CHL1: variants seen among roughly 807,000 people sequenced by gnomAD.
CHL1 encodes neural cell adhesion molecule L1-like protein.
In CHL1, 96 loss-of-function variants were observed where a neutral mutation model predicts 141.9. The ratio of observed to expected loss-of-function variants is 0.68; its 90% CI spans 0.57 to 0.80. The LOEUF (loss-of-function observed/expected upper bound fraction) is 0.80, where lower values mean the gene tolerates loss of function less well. CHL1 is among the 30% of genes least tolerant of loss of function. CHL1 has a pLI of 0.00. For missense variants in CHL1, 1,820 were observed against 1,457.2 expected (o/e 1.25, Z -4.05); for synonymous variants, 613 against 502.2 (o/e 1.22, Z -2.95).
At position 319,694 on chromosome 3, in the gene CHL1, A is replaced by G; in HGVS notation, c.-83A>G. The stretch of plus-strand genomic sequence containing the variant: ...GTTTGTGTTTTTAGTTTCCAGGTTA[A>G]CTAAGGTCTCAGCTGTAAACCAAAA... On this transcript the variant is annotated 5_prime_UTR_variant, in exon 3 of 28. Transcript: ENST00000256509. 1 of 783,466 alleles carries G rather than the reference A, an allele frequency of 1.3e-6. No homozygotes were observed. The allele number at this position is 783,466 out of a possible 1,614,324, so 48.5% of individuals were successfully genotyped here.
intron 2 of CHL1, among the ~76,000 whole-genome samples, chr3:318,490 A>T (rs1000755148): frequency 2.6e-5 from 4 of 151,884 alleles, no homozygotes; most frequent in African/African-American, 7.2e-5. Context: ...TACATGATAG[A>T]CAATGTATAA....
In CHL1 at chr3:360,392, C is replaced by T; in HGVS notation, c.1274C>T (p.Thr425Ile). The T allele has an allele frequency of 1.2e-6, 2 of 1,613,764 alleles. No individual in the cohort carries two copies. The highest frequency in any genetic ancestry group is 2.2e-5 in the East Asian group (1 of 44,864). Residue 425 changes from threonine (T) to isoleucine (I), a missense_variant, in exon 12 of 28, where the codon ACT becomes ATT. By Grantham distance (89) the Thr-to-Ile change is moderately conservative. Coordinates refer to ENST00000256509, the MANE Select transcript of CHL1 (RefSeq NM_006614.4). ...TGTGAAGCCTCAAATGTCCATGGAA[C>T]TATCCTTGCCAATGCCAATATTGAT... ...YQCEASNVHG[T>I]ILANANIDVV...
rs377272184 is a variant in CHL1 at position 365,973 on chromosome 3, C to T, written c.1609C>T (p.Pro537Ser). 2 of 1,613,210 alleles carry T rather than the reference C, an allele frequency of 1.2e-6. No individual in the cohort carries two copies. The highest frequency in any genetic ancestry group is 1.7e-6 in the Non-Finnish European group (2 of 1,179,494). The change falls in exon 15 of 28, where the codon CCT becomes TCT. Residue 537 changes from proline (P) to serine (S), a missense_variant. Physicochemically the swap from Pro to Ser is moderately conservative, Grantham distance 74. Transcript: ENST00000256509. ...IRNATKLRVS[P>S]KNPRIPKLHM... ...AGATGCTACAAAACTTAGAGTTTCT[C>T]CTAAGAATCCTCGTATCCCCAAATT... is the stretch of plus-strand genomic sequence containing the variant.
intron 2 of CHL1, among the ~76,000 whole-genome samples, chr3:263,418 G>C (rs754571542): frequency 2.0e-5 from 3 of 151,958 alleles, no homozygotes; most frequent in Non-Finnish European, 4.4e-5. Context: ...TTTGTCAACT[G>C]TTTCTTTGTA....
chr3:389,507 C>T, intron 20 of CHL1, 33 bp downstream of exon 20: 1 of 1,501,408 alleles, frequency 6.7e-7, no homozygotes, highest in Non-Finnish European at 9.3e-7. Flanking sequence ...CTAAGCACGT[C>T]AGTAACTGTT....
chr3:306,090 T>C (rs952538599), intron 2 of CHL1, among the ~76,000 whole-genome samples: 1 of 152,146 alleles, frequency 6.6e-6, no homozygotes, highest in Non-Finnish European at 1.5e-5. Context: ...TCTTATTTCT[T>C]ATTCATGGAA....
At chr3:328,730 T>G (rs1346527039) in intron 5 of CHL1, among the ~76,000 whole-genome samples, 1 of 152,184 alleles carries the variant, frequency 6.6e-6, no homozygotes, top group Admixed American at 6.6e-5. Flanking sequence ...ACTGTGGGCC[T>G]GGCAACTCTT....
chr3:333,142 T>TTTTTTTTTTTTTTTTTTTTTC (rs1701591264), intron 5 of CHL1, among the ~76,000 whole-genome samples: 1 of 144,188 alleles, frequency 6.9e-6, no homozygotes, highest in Non-Finnish European at 1.5e-5. Flanking sequence ...TATTTTTTTT[T>TTTTTTTTTTTTTTTTTTTTTC]TTTGCTGCTG....
chr3:278,201 A>T (rs1224162259), intron 2 of CHL1, among the ~76,000 whole-genome samples: 2 of 152,236 alleles, frequency 1.3e-5, no homozygotes, highest in Non-Finnish European at 2.9e-5. Flanking sequence ...TATCCAAAAC[A>T]GAATTATTTT....
chr3:293,275 A>C lies in CHL1; in HGVS notation c.-94-26408A>C, dbSNP rs561114837. 6.6e-5 allele frequency among the ~76,000 whole-genome samples: 10 copies of C among 152,048 alleles called. No individual in the cohort carries two copies. The South Asian group carries it at 2.1e-3, about 32-fold the overall frequency. On this transcript the variant is annotated intron_variant, in intron 2 of 27. Coordinates refer to ENST00000256509, the MANE Select transcript of CHL1 (RefSeq NM_006614.4). The stretch of plus-strand genomic sequence containing the variant: ...CTAGCACTTTGGGAGGCCGAGGTGG[A>C]TGGTTCTCTTGAGGCCAGGAGTTTG...
chr3:340,796 G>A lies in CHL1; in HGVS notation c.388G>A (p.Val130Ile). 1 of 1,605,814 alleles carries A rather than the reference G, an allele frequency of 6.2e-7. No homozygotes were observed. ...SEEIEFIVPSVPKFPKEKIDP... is the reference protein window; with the variant it reads ...SEEIEFIVPSIPKFPKEKIDP... ...ATTAAAATGATTTTTTACACCAGGT[G>A]TTCCAAAATTCCCAAAAGAAAAAAT... Residue 130 changes from valine (V) to isoleucine (I), a missense_variant and splice_region_variant, in exon 6 of 28, where the codon GTT becomes ATT. Val to Ile is a conservative substitution (Grantham distance 29). Transcript: ENST00000256509.
At chr3:352,298 T>A (rs753777553) in intron 10 of CHL1, among the ~76,000 whole-genome samples, 5 of 152,170 alleles carry the variant, frequency 3.3e-5, no homozygotes, top group Non-Finnish European at 7.4e-5. Flanking sequence ...TAAGAACCTG[T>A]GAAGAAACAG....
chr3:286,636 A>G (rs2125320187), intron 2 of CHL1, among the ~76,000 whole-genome samples: 1 of 151,634 alleles, frequency 6.6e-6, no homozygotes, highest in East Asian at 1.9e-4. Flanking sequence ...AAATTAAACA[A>G]AGAAAGTAAA....
At chr3:249,078 A>G (rs191475877) in intron 2 of CHL1, among the ~76,000 whole-genome samples, 2 of 152,302 alleles carry the variant, frequency 1.3e-5, no homozygotes, top group Admixed American at 1.3e-4. Context: ...AATCACAGAC[A>G]TCTCTTCTAA....
At chr3:202,809 G>A (rs1042284288) in intron 1 of CHL1, among the ~76,000 whole-genome samples, 4 of 152,154 alleles carry the variant, frequency 2.6e-5, no homozygotes, top group African/African-American at 9.7e-5. Flanking sequence ...GATCTCAAAT[G>A]TGCTTTTCAT....
At chr3:263,231 G>GC (rs1311830632) in intron 2 of CHL1, among the ~76,000 whole-genome samples, 1 of 152,112 alleles carries the variant, frequency 6.6e-6, no homozygotes, top group African/African-American at 2.4e-5. Context: ...TGGTGATTTA[G>GC]CAAGTGAACT....
Position 371,415 on chromosome 3 carries a change from C to G in CHL1, c.1751+5300C>G, listed in dbSNP as rs192064113. ...GGTTTTAAGTTTGTTTTGTCAGAGA[C>G]TAGGATTGCAATCCCTGCTTTGTTT... On this transcript the variant is annotated intron_variant, in intron 15 of 27. Transcript: ENST00000256509. Among the ~76,000 whole-genome samples the G allele has an allele frequency of 7.9e-5, 12 of 152,248 alleles. 1 individual carries two copies. Among genetic ancestry groups the G allele is most frequent in the African/African-American group, 2.9e-4 (12 of 41,546 alleles).
At chr3:262,542 A>G (rs1694818955) in intron 2 of CHL1, among the ~76,000 whole-genome samples, 1 of 150,458 alleles carries the variant, frequency 6.6e-6, no homozygotes, top group Non-Finnish European at 1.5e-5. Flanking sequence ...ACAGGGCAGG[A>G]TTCACACGTT....
At chr3:240,666 G>C (rs184904078) in intron 1 of CHL1, among the ~76,000 whole-genome samples, 28 of 152,244 alleles carry the variant, frequency 1.8e-4, no homozygotes, top group African/African-American at 6.0e-4. Flanking sequence ...TGAAGCCTTT[G>C]CCTAAGCCAA....
Sources: gnomAD v4.1 joint callset for allele counts (sites outside exome capture counted in the v4.1 genomes callset) on GRCh38, gnomAD v4.1.1 for gene constraint, MANE v1.5 for transcripts, NCBI Gene and HGNC (gene_info 2026-07-23, HGNC 2026-07-21) for gene names.